The following VSNL1 variants were observed in gnomAD, a reference collection of about 807,000 sequenced individuals.
VSNL1 encodes visinin-like protein 1.
Under a neutral mutation model 20.4 loss-of-function variants are expected in VSNL1, and 6 were observed. The observed-to-expected ratio is 0.29, with a 90% CI of 0.16 to 0.58. The LOEUF is 0.58. Ranked by LOEUF, VSNL1 falls within the 20% of genes least tolerant of loss-of-function variation. VSNL1 has a pLI of 0.90. For synonymous variants in VSNL1, 93 were observed against 86.4 expected (o/e 1.08, Z -0.42); for missense variants, 100 against 234.5 (o/e 0.43, Z 3.75).
At chr2:17,595,232 A>G (rs2103379438) in intron 2 of VSNL1, among the ~76,000 whole-genome samples, 1 of 152,332 alleles carries the variant, frequency 6.6e-6, no homozygotes, top group South Asian at 2.1e-4. Flanking sequence ...AAGTGTGGGT[A>G]AGCATTTCTT....
chr2:17,615,998 C>T (rs1475441509), intron 2 of VSNL1, among the ~76,000 whole-genome samples: 1 of 152,204 alleles, frequency 6.6e-6, no homozygotes, highest in East Asian at 1.9e-4. Context: ...TGGATCCTCC[C>T]CTGCAGGGCT....
intron 3 of VSNL1, among the ~76,000 whole-genome samples, chr2:17,654,839 C>T (rs1666192012): frequency 6.6e-6 from 1 of 152,214 alleles, no homozygotes; most frequent in South Asian, 2.1e-4. Context: ...TGCCCCACAT[C>T]CCACGCTCCA....
At chr2:17,592,840 A>G (rs1025557186) in intron 2 of VSNL1, among the ~76,000 whole-genome samples, 2 of 151,960 alleles carry the variant, frequency 1.3e-5, no homozygotes, top group African/African-American at 4.8e-5. Context: ...CTTTCCCTGA[A>G]CATTACACAG....
At chr2:17,626,764 T>C (rs548882904) in intron 2 of VSNL1, among the ~76,000 whole-genome samples, 202 of 152,334 alleles carry the variant, frequency 1.3e-3, no homozygotes, top group African/African-American at 3.5e-3. Context: ...GTTTGGAGCA[T>C]TGTCCACAAT....
chr2:17,564,821 A>T (rs1220981545), intron 1 of VSNL1, among the ~76,000 whole-genome samples: 1 of 152,228 alleles, frequency 6.6e-6, no homozygotes, highest in Non-Finnish European at 1.5e-5. Context: ...CAATGAACAA[A>T]AAACTAGCTT....
Position 17,617,888 on chromosome 2 carries a change from C to CACAT in VSNL1, c.162+25652_162+25653insACAT, listed in dbSNP as rs200293624. On this transcript the variant is annotated intron_variant, in intron 2 of 3. Transcript: ENST00000295156. ...GCATACATGCACATGCACATGCACG[C>CACAT]GCACACACACACACACACACACCCC... Among the ~76,000 whole-genome samples, 881 of 148,532 alleles carry CACAT rather than the reference C, an allele frequency of 5.9e-3. 4 individuals are homozygous for CACAT. The highest frequency in any genetic ancestry group is 9.2e-3 in the Non-Finnish European group (621 of 67,724).
At chr2:17,601,596 A>G (rs542809404) in intron 2 of VSNL1, among the ~76,000 whole-genome samples, 68 of 151,652 alleles carry the variant, frequency 4.5e-4, no homozygotes, top group Admixed American at 2.6e-3. Flanking sequence ...AGATCACGCC[A>G]TTGCACTCCA....
At chr2:17,546,900 GC>G (rs1663417134) in intron 1 of VSNL1, among the ~76,000 whole-genome samples, 1 of 151,654 alleles carries the variant, frequency 6.6e-6, no homozygotes, top group Non-Finnish European at 1.5e-5. Flanking sequence ...GATGTTTTTT[GC>G]TTTCTTGTTC....
chr2:17,606,826 T>C (rs982808033), intron 2 of VSNL1, among the ~76,000 whole-genome samples: 2 of 152,154 alleles, frequency 1.3e-5, no homozygotes, highest in African/African-American at 4.8e-5. Context: ...GAAAGACATA[T>C]GTAAGTTACC....
intron 2 of VSNL1, among the ~76,000 whole-genome samples, chr2:17,637,042 C>T (rs921317902): frequency 1.3e-5 from 2 of 152,186 alleles, no homozygotes; most frequent in Non-Finnish European, 2.9e-5. Flanking sequence ...GTCGCCCACC[C>T]GGATCTAGTC....
chr2:17,579,108 C>G (rs539816201), intron 1 of VSNL1, among the ~76,000 whole-genome samples: 46 of 152,074 alleles, frequency 3.0e-4, no homozygotes, highest in African/African-American at 9.2e-4. Flanking sequence ...TTCTTTCTTT[C>G]TTTCTTTTTT....
At chr2:17,648,443 A>G (rs1666046220) in intron 2 of VSNL1, among the ~76,000 whole-genome samples, 1 of 152,218 alleles carries the variant, frequency 6.6e-6, no homozygotes, top group Non-Finnish European at 1.5e-5. Context: ...CTTACGAAGG[A>G]AAAGGGATAT....
chr2:17,629,979 C>T (rs988120460), intron 2 of VSNL1, among the ~76,000 whole-genome samples: 1 of 152,002 alleles, frequency 6.6e-6, no homozygotes, highest in Non-Finnish European at 1.5e-5. Context: ...TATGCAAAAA[C>T]AGGTTAAAGT....
At chr2:17,562,728 G>T (rs866485915) in intron 1 of VSNL1, among the ~76,000 whole-genome samples, 2 of 152,176 alleles carry the variant, frequency 1.3e-5, no homozygotes, top group African/African-American at 4.8e-5. Flanking sequence ...TCAGGAACCA[G>T]CAGATCTCTA....
At position 17,634,392 on chromosome 2, in the gene VSNL1, G is replaced by A. The variant is rs531576771; in HGVS notation, c.163-15018G>A. ...CCTGGCAAGACTTGAGGCAAAGTTT[G>A]TTATGCAGTTGACCAGGAGAGAAGG... On this transcript the variant is annotated intron_variant, in intron 2 of 3. Transcript: ENST00000295156. This position sits in a 1 kb window ranked among gnomAD's most constrained non-coding sequence, Gnocchi z 4.3. Among the ~76,000 whole-genome samples the A allele has an allele frequency of 2.6e-5, 4 of 152,340 alleles. No homozygotes were observed. The highest frequency in any genetic ancestry group is 4.1e-4 in the South Asian group (2 of 4,826).
At chr2:17,606,314 C>G (rs60295453) in intron 2 of VSNL1, among the ~76,000 whole-genome samples, 2,088 of 152,252 alleles carry the variant, frequency 0.014, 24 homozygotes, top group East Asian at 0.037. Flanking sequence ...GAGTCGGGGG[C>G]TGGAGTCAGA....
At chr2:17,630,971 G>A (rs776901730) in intron 2 of VSNL1, among the ~76,000 whole-genome samples, 7 of 152,098 alleles carry the variant, frequency 4.6e-5, no homozygotes, top group African/African-American at 1.2e-4. Context: ...TAGTAGAAAC[G>A]GAGTTTCACC....
At chr2:17,650,614 TG>T (rs1335154454) in intron 3 of VSNL1, among the ~76,000 whole-genome samples, 12 of 152,200 alleles carry the variant, frequency 7.9e-5, no homozygotes, top group African/African-American at 2.7e-4. Flanking sequence ...ATCCTGGAGC[TG>T]GGGGGATGCC....
chr2:17,542,823 G>A (rs987908896), intron 1 of VSNL1, among the ~76,000 whole-genome samples: 2 of 152,186 alleles, frequency 1.3e-5, no homozygotes, highest in Non-Finnish European at 2.9e-5. Flanking sequence ...CTCATAGGTT[G>A]ACAGAGAGGA....
Sources: gnomAD v4.1 joint callset for allele counts (sites outside exome capture counted in the v4.1 genomes callset) on GRCh38, gnomAD v4.1.1 for gene constraint, Gnocchi (gnomAD v3.1) non-coding constraint, MANE v1.5 for transcripts, NCBI Gene and HGNC (gene_info 2026-07-23, HGNC 2026-07-21) for gene names.